ZNF831: variants seen among roughly 807,000 people sequenced by gnomAD.
ZNF831 encodes the protein zinc finger protein 831, also known as chromosome 20 open reading frame 174.
ZNF831 carries 59 observed loss-of-function variants against 95.8 expected under a neutral mutation model. That is an observed-to-expected ratio of 0.62 (90% confidence interval 0.50 to 0.77). The LOEUF (loss-of-function observed/expected upper bound fraction) is 0.77, where lower values mean the gene tolerates loss of function less well. ZNF831 is among the 30% of genes least tolerant of loss of function. The pLI is 0.00. For synonymous variants in ZNF831, 961 were observed against 925.5 expected (o/e 1.04, Z -0.70); for missense variants, 2,205 against 2,164.0 (o/e 1.02, Z -0.38).
rs1983518120 is a variant in ZNF831, at chr20:59,191,474, A to C, written c.455A>C (p.Asp152Ala). Residue 152 changes from aspartate to alanine, a missense_variant, in exon 2 of 6, where the codon GAC becomes GCC. Coordinates refer to ENST00000371030, the MANE Select transcript of ZNF831 (RefSeq NM_178457.3). ...TACCTGTGTCCGCACTGTGGTCGCG[A>C]CTGCCTGAAGCCCAGTGTTCTAGAG... ...GKYLCPHCGR[D>A]CLKPSVLEKH... 1 of 1,613,078 alleles carries C rather than the reference A, an allele frequency of 6.2e-7. No homozygotes were observed. Among genetic ancestry groups the C allele is most frequent in the South Asian group, 1.1e-5 (1 of 91,088 alleles).
chr20:59,127,439 C>T (rs563652883), intron 1 of ZNF831, among the ~76,000 whole-genome samples: 32 of 152,278 alleles, frequency 2.1e-4, no homozygotes, highest in South Asian at 1.0e-3. Context: ...TAAAGTCCCA[C>T]GTCCTTCCCG....
intron 3 of ZNF831, among the ~76,000 whole-genome samples, chr20:59,206,483 A>G (rs1984901293): frequency 6.6e-6 from 1 of 152,222 alleles, no homozygotes; most frequent in Non-Finnish European, 1.5e-5. Flanking sequence ...CACTAACTAC[A>G]TTTCAAATGC....
intron 1 of ZNF831, among the ~76,000 whole-genome samples, chr20:59,168,328 C>T (rs1442334379): frequency 1.3e-5 from 2 of 152,072 alleles, no homozygotes; most frequent in East Asian, 3.8e-4. Flanking sequence ...TTTACAACTA[C>T]ATATTTCGTT....
chr20:59,150,882 C>A (rs58754928), intron 2 of ZNF831, among the ~76,000 whole-genome samples: 17,521 of 152,170 alleles, frequency 0.12, 1,071 homozygotes, highest in African/African-American at 0.13. Context: ...GCGGGCGGGC[C>A]GTGCCAGCTT....
chr20:59,192,970 G>A lies in ZNF831; in HGVS notation c.1951G>A (p.Gly651Ser), dbSNP rs748485831. 1 of 1,593,372 alleles carries A rather than the reference G, an allele frequency of 6.3e-7. No homozygotes were observed. Among genetic ancestry groups the A allele is most frequent in the Admixed American group, 1.7e-5 (1 of 58,396 alleles). The change falls in exon 2 of 6, where the codon GGC (glycine) becomes AGC (serine). Residue 651 changes from glycine (G) to serine (S), a missense_variant. Transcript: ENST00000371030. The surrounding 1 kb of genome is among the most constrained non-coding windows in gnomAD (Gnocchi z 5.2). ...CAAGAAAGCCAGGGAGGTGGGAATG[G>A]GCAGTGGGGCAGAACTGGGCTTTCC... Reference protein sequence around the residue: ...GGKKAREVGMGSGAELGFPLQ... With the variant: ...GGKKAREVGMSSGAELGFPLQ...
At chr20:59,147,558 A>T (rs1979942409) in intron 2 of ZNF831, among the ~76,000 whole-genome samples, 1 of 152,244 alleles carries the variant, frequency 6.6e-6, no homozygotes, top group Non-Finnish European at 1.5e-5. Context: ...ACAAGCTGAA[A>T]TTGGGAAAAG....
chr20:59,141,122 A>T (rs1392144113), intron 1 of ZNF831, among the ~76,000 whole-genome samples: 1 of 151,250 alleles, frequency 6.6e-6, no homozygotes, highest in Non-Finnish European at 1.5e-5. Context: ...CTGGTCTTGA[A>T]CTCCTGACCT....
chr20:59,161,561 G>A (rs1027641567), upstream of ZNF831, among the ~76,000 whole-genome samples: 2 of 152,224 alleles, frequency 1.3e-5, no homozygotes, highest in Non-Finnish European at 2.9e-5. Context: ...TTACAGGCAT[G>A]GGATTACATG....
In ZNF831 at chr20:59,169,042, G is replaced by T. The variant is rs1236252512; in HGVS notation, c.-37+4835G>T. On this transcript the variant is annotated intron_variant, in intron 1 of 5. Coordinates refer to ENST00000371030, the MANE Select transcript of ZNF831 (RefSeq NM_178457.3). This position sits in a 1 kb window ranked among gnomAD's most constrained non-coding sequence, Gnocchi z 4.1. Reference sequence around the variant, plus strand: ...CATGCTGTCTTTGTCTAGTTTGGTCGCAGGGTAATACCTAGGTGCTTAAAA... The same window carrying T: ...CATGCTGTCTTTGTCTAGTTTGGTCTCAGGGTAATACCTAGGTGCTTAAAA... 2.0e-5 allele frequency among the ~76,000 whole-genome samples: 3 copies of T among 152,134 alleles called. No individual in the cohort carries two copies.
intron 1 of ZNF831, among the ~76,000 whole-genome samples, chr20:59,185,548 C>T (rs576019607): frequency 1.4e-4 from 21 of 152,204 alleles, no homozygotes; most frequent in African/African-American, 4.6e-4. Context: ...AGACACCCCT[C>T]GGGTGACAAC....
intron 3 of ZNF831, among the ~76,000 whole-genome samples, chr20:59,206,296 C>T (rs1984889084): frequency 6.6e-6 from 1 of 152,128 alleles, no homozygotes; most frequent in Admixed American, 6.5e-5. Context: ...GTTTTGAAGA[C>T]AAATACATCT....
intron 2 of ZNF831, 31 bp downstream of exon 2, chr20:59,194,788 G>A (rs1222848630): frequency 6.6e-7 from 1 of 1,525,870 alleles, no homozygotes. Context: ...AGGGCCCGGG[G>A]TTGAGAGAGC....
At chr20:59,147,920 G>C (rs930354204) in intron 2 of ZNF831, among the ~76,000 whole-genome samples, 10 of 152,208 alleles carry the variant, frequency 6.6e-5, no homozygotes, top group Admixed American at 2.0e-4. Flanking sequence ...TAAAAGGGGG[G>C]ATTACAGGCC....
chr20:59,188,944 G>A (rs139637604), intron 1 of ZNF831, among the ~76,000 whole-genome samples: 20 of 152,280 alleles, frequency 1.3e-4, no homozygotes, highest in African/African-American at 4.8e-4. Context: ...ACTTTGGGAG[G>A]CTGAGGCCAG....
intron 1 of ZNF831, among the ~76,000 whole-genome samples, chr20:59,127,591 G>C (rs1979215424): frequency 6.6e-6 from 1 of 152,110 alleles, no homozygotes; most frequent in African/African-American, 2.4e-5. Context: ...TCCCTCCGAC[G>C]GGCTCACTCC....
chr20:59,159,291 C>T (rs1980712403), upstream of ZNF831, among the ~76,000 whole-genome samples: 2 of 152,004 alleles, frequency 1.3e-5, no homozygotes, highest in Non-Finnish European at 1.5e-5. Flanking sequence ...CATGGCCCAA[C>T]AGCGCCCCTC....
chr20:59,210,169 C>A (rs1054254150), intron 4 of ZNF831, among the ~76,000 whole-genome samples: 2 of 152,218 alleles, frequency 1.3e-5, no homozygotes, highest in African/African-American at 4.8e-5. Context: ...TCTGGGCTCT[C>A]ATTGTTTGTA....
At chr20:59,133,840 G>T (rs1979420945) in intron 1 of ZNF831, among the ~76,000 whole-genome samples, 1 of 152,182 alleles carries the variant, frequency 6.6e-6, no homozygotes. Flanking sequence ...GCTCCTTTAG[G>T]CCCTACTTGA....
intron 4 of ZNF831, among the ~76,000 whole-genome samples, chr20:59,240,894 G>A (rs1047932023): frequency 1.3e-5 from 2 of 151,750 alleles, no homozygotes; most frequent in African/African-American, 4.8e-5. Context: ...TGCTTTTGTC[G>A]TCCTACCTGT....
Sources: allele counts gnomAD v4.1 joint callset (sites outside exome capture counted in the v4.1 genomes callset), GRCh38; gene constraint gnomAD v4.1.1; non-coding constraint Gnocchi (gnomAD v3.1); transcripts MANE v1.5; gene names NCBI Gene and HGNC (gene_info 2026-07-23, HGNC 2026-07-21).